Variants in MTHFD1L observed in about 807,000 individuals in gnomAD.
MTHFD1L encodes the protein monofunctional C1-tetrahydrofolate synthase, mitochondrial.
In MTHFD1L, 81 loss-of-function variants were observed where a neutral mutation model predicts 119.5. The ratio of observed to expected loss-of-function variants is 0.68; its 90% CI spans 0.57 to 0.82. The LOEUF is 0.82. MTHFD1L is among the 40% of genes least tolerant of loss of function. The pLI is 0.00. For missense variants in MTHFD1L, 1,125 were observed against 1,253.4 expected, an observed-to-expected ratio of 0.90 and a Z score of 1.55; for synonymous variants, 430 against 475.2, an observed-to-expected ratio of 0.90 and a Z score of 1.24.
chr6:151,064,699 A>C (rs1315375866), intron 26 of MTHFD1L, among the ~76,000 whole-genome samples: 2 of 151,864 alleles, frequency 1.3e-5, no homozygotes, highest in Admixed American at 1.3e-4. Context: ...TTCCCAAAAA[A>C]CTCTTAAAAT....
intron 15 of MTHFD1L, among the ~76,000 whole-genome samples, chr6:150,947,826 T>C (rs1794230504): frequency 1.3e-5 from 2 of 152,082 alleles, no homozygotes; most frequent in Non-Finnish European, 2.9e-5. Context: ...CAGGCACAAG[T>C]GGTAGTTAGC....
At chr6:150,987,623 G>A (rs1228853782) in intron 20 of MTHFD1L, among the ~76,000 whole-genome samples, 1 of 152,222 alleles carries the variant, frequency 6.6e-6, no homozygotes. Context: ...GCAAGGGGGA[G>A]CAGGAATTTG....
intron 8 of MTHFD1L, among the ~76,000 whole-genome samples, chr6:150,910,856 A>G (rs948409119): frequency 1.3e-5 from 2 of 152,210 alleles, no homozygotes; most frequent in African/African-American, 4.8e-5. Context: ...TATTTGAAAA[A>G]TCAAACCCAA....
rs1782107438 is a variant in MTHFD1L, at chr6:150,885,571, T to G, written c.543-63T>G. On this transcript the variant is annotated intron_variant, in intron 5 of 27. Transcript: ENST00000367321. ...TTATTTGGGGTTAATATATGTACATTACACGTGAGTGATTTTTTTGGCTGG... is the reference window on the plus strand; with the variant it reads ...TTATTTGGGGTTAATATATGTACATGACACGTGAGTGATTTTTTTGGCTGG... 1.8e-5 allele frequency: 22 copies of G among 1,203,230 alleles called. 2 individuals are homozygous for G. The South Asian group carries it at 2.7e-4, about 15-fold the overall frequency. 74.5% of individuals were successfully genotyped at this position (1,203,230 alleles called of 1,614,324 possible).
intron 24 of MTHFD1L, among the ~76,000 whole-genome samples, chr6:151,030,650 T>G (rs1348347759): frequency 6.6e-6 from 1 of 152,252 alleles, no homozygotes; most frequent in African/African-American, 2.4e-5. Context: ...CGCTGTTGCC[T>G]GCAGCACATC....
At chr6:150,963,097 G>A (rs1293962763) in intron 18 of MTHFD1L, among the ~76,000 whole-genome samples, 1 of 151,802 alleles carries the variant, frequency 6.6e-6, no homozygotes, top group Non-Finnish European at 1.5e-5. Flanking sequence ...TGTATTTTTA[G>A]TAGAGATGGG....
chr6:151,055,651 C>T (rs1269517082), intron 26 of MTHFD1L: 1 of 152,278 alleles, frequency 6.6e-6, no homozygotes, highest in Non-Finnish European at 1.5e-5. Flanking sequence ...CCTCAGCCTC[C>T]CAAGTAGCTG....
chr6:151,003,635 C>G (rs993620011), intron 20 of MTHFD1L, among the ~76,000 whole-genome samples: 1 of 152,112 alleles, frequency 6.6e-6, no homozygotes, highest in African/African-American at 2.4e-5. Context: ...GTGGCTGTTT[C>G]TCCACTAAAT....
intron 8 of MTHFD1L, among the ~76,000 whole-genome samples, chr6:150,916,525 C>T (rs1179752020): frequency 1.1e-4 from 13 of 113,560 alleles, no homozygotes; most frequent in Non-Finnish European, 2.0e-4. Context: ...GATGGGGTTG[C>T]ACCATGTTGG....
intron 19 of MTHFD1L, among the ~76,000 whole-genome samples, chr6:150,970,335 T>C (rs1797850736): frequency 6.6e-6 from 1 of 152,190 alleles, no homozygotes; most frequent in African/African-American, 2.4e-5. Context: ...CTGTTAACAT[T>C]TTCCCACAGG....
rs185506851 is a variant in MTHFD1L at position 150,931,171 on chromosome 6, T to A, written c.1256+4876T>A. Among the ~76,000 whole-genome samples, 260 of 152,240 alleles carry A rather than the reference T, an allele frequency of 1.7e-3. 1 individual carries two copies. Among genetic ancestry groups the A allele is most frequent in the African/African-American group, 6.0e-3 (250 of 41,552 alleles). On this transcript the variant is annotated intron_variant, in intron 11 of 27. Transcript: ENST00000367321. Reference sequence around the variant, plus strand: ...AGAAGTTTCTAGAATTTCCCTGAATTGGTTGGACAGAGCAGCTAAAAAAGC... The same window carrying A: ...AGAAGTTTCTAGAATTTCCCTGAATAGGTTGGACAGAGCAGCTAAAAAAGC...
At position 150,922,318 on chromosome 6, in the gene MTHFD1L, T is replaced by C. The variant is rs771019814; in HGVS notation, c.1082+16T>C. On this transcript the variant is annotated intron_variant, in intron 10 of 27. Coordinates refer to ENST00000367321, the MANE Select transcript of MTHFD1L (RefSeq NM_015440.5). The stretch of plus-strand genomic sequence containing the variant: ...CTGTGCCAAGGTAACACTGGTGTTT[T>C]ATTTACACTGATGTCAGCTCAGCAC... The C allele has an allele frequency of 1.2e-6, 2 of 1,605,328 alleles. No homozygotes were observed. The highest frequency in any genetic ancestry group is 2.2e-5 in the South Asian group (2 of 90,882).
At chr6:150,940,271 C>A (rs976049210) in intron 13 of MTHFD1L, among the ~76,000 whole-genome samples, 1 of 152,030 alleles carries the variant, frequency 6.6e-6, no homozygotes, top group Non-Finnish European at 1.5e-5. Flanking sequence ...AAGTGTTTAC[C>A]CATGGAGGTC....
Position 150,918,762 on chromosome 6 carries a change from G to A in MTHFD1L, c.984+94G>A. ...AAGTGGTTTCTGTTTACCAGGTACAGTGTTAAACACTTCACACACAGTGTT... is the reference window on the plus strand; with the variant it reads ...AAGTGGTTTCTGTTTACCAGGTACAATGTTAAACACTTCACACACAGTGTT... On this transcript the variant is annotated intron_variant, in intron 9 of 27. Transcript: ENST00000367321. 1.0e-5 allele frequency: 10 copies of A among 966,414 alleles called. No homozygotes were observed. The South Asian group carries it at 1.4e-4, about 13-fold the overall frequency. The allele number at this position is 966,414 out of a possible 1,614,324, so 59.9% of individuals were successfully genotyped here.
Position 150,988,310 on chromosome 6 carries a change from A to G in MTHFD1L, c.2125+16252A>G, listed in dbSNP as rs185346470. ...TATGATTGCTATCTTACCCCATCTT[A>G]GCCAAGAGCATTCAGCCTGAGGATA... On this transcript the variant is annotated intron_variant, in intron 20 of 27. Transcript: ENST00000367321. 3.9e-3 allele frequency among the ~76,000 whole-genome samples: 598 copies of G among 152,356 alleles called. 4 individuals are homozygous for G. Among genetic ancestry groups the G allele is most frequent in the African/African-American group, 0.013 (520 of 41,596 alleles).
intron 8 of MTHFD1L, among the ~76,000 whole-genome samples, chr6:150,917,144 TGTGA>T (rs1486401428): frequency 1.3e-5 from 2 of 152,120 alleles, no homozygotes; most frequent in Non-Finnish European, 2.9e-5. Flanking sequence ...AGTCTTACCC[TGTGA>T]GTGTTTTCAT....
At chr6:151,098,448 C>G (rs970387403) in intron 27 of MTHFD1L, among the ~76,000 whole-genome samples, 3 of 152,178 alleles carry the variant, frequency 2.0e-5, no homozygotes, top group Non-Finnish European at 4.4e-5. Context: ...GCCAAGGCAT[C>G]ACCCTGAGCC....
chr6:150,954,666 A>G (rs803459), intron 16 of MTHFD1L, among the ~76,000 whole-genome samples: 46,613 of 151,540 alleles, frequency 0.31, 7,450 homozygotes, highest in East Asian at 0.5. Context: ...TCCAGCCTGC[A>G]TGACAAAAAA....
At chr6:150,879,370 C>T (rs376364058) in intron 4 of MTHFD1L, among the ~76,000 whole-genome samples, 1 of 152,106 alleles carries the variant, frequency 6.6e-6, no homozygotes. Flanking sequence ...TCACTGCAAC[C>T]TCTACCTCCC....
Sources: allele counts gnomAD v4.1 joint callset (sites outside exome capture counted in the v4.1 genomes callset), GRCh38; gene constraint gnomAD v4.1.1; transcripts MANE v1.5; gene names NCBI Gene and HGNC (gene_info 2026-07-23, HGNC 2026-07-21).